TMEM26: variants seen among roughly 807,000 people sequenced by gnomAD.
The protein encoded by TMEM26 is transmembrane protein 26.
Under a neutral mutation model 28.8 loss-of-function variants are expected in TMEM26, and 38 were observed. The observed-to-expected ratio is 1.32, with a 90% CI of 1.02 to 1.73. The LOEUF (loss-of-function observed/expected upper bound fraction) is 1.73. TMEM26 is among the 40% of genes most tolerant of loss of function. The pLI is 0.00. For missense variants in TMEM26, 518 were observed against 447.1 expected (o/e 1.16, Z -1.43); for synonymous variants, 227 against 182.9 (o/e 1.24, Z -1.95).
chr10:61,418,590 A>G (rs959311443), intron 4 of TMEM26, among the ~76,000 whole-genome samples: 1 of 152,144 alleles, frequency 6.6e-6, no homozygotes, highest in African/African-American at 2.4e-5. Context: ...CATATTGATC[A>G]GTTAAAGTGG....
In TMEM26 at chr10:61,410,355, T is replaced by A; in HGVS notation, c.1074A>T (p.Pro358=). Reference sequence around the variant, plus strand: ...TGTGGTGGGAGTCGTCGGAGGTGACTGGGGAGCCCCGCAAAGGAATAGCCA... The same window carrying A: ...TGTGGTGGGAGTCGTCGGAGGTGACAGGGGAGCCCCGCAAAGGAATAGCCA... The part of the protein sequence containing the change: ...EGLAIPLRGS[P]VTSDDSHHTP The change falls in exon 6 of 6, where the codon CCA becomes CCT. Residue 358 remains proline (P), a synonymous_variant. Transcript: ENST00000399298. The A allele has an allele frequency of 3.1e-6, 5 of 1,613,760 alleles. No individual in the cohort carries two copies. The highest frequency in any genetic ancestry group is 1.7e-4 in the Middle Eastern group (1 of 6,058).
intron 2 of TMEM26, among the ~76,000 whole-genome samples, chr10:61,431,659 CAAAT>C (rs1483914055): frequency 1.3e-5 from 2 of 151,832 alleles, no homozygotes; most frequent in East Asian, 1.9e-4. Context: ...TAAAACCAAA[CAAAT>C]AACCAGTGAC....
chr10:61,436,613 T>C (rs1384375611), intron 1 of TMEM26, among the ~76,000 whole-genome samples: 1 of 152,150 alleles, frequency 6.6e-6, no homozygotes, highest in African/African-American at 2.4e-5. Flanking sequence ...ACAGCAGGAG[T>C]AAATCTTGAA....
At chr10:61,417,070 TC>T (rs1839663712) in intron 4 of TMEM26, among the ~76,000 whole-genome samples, 1 of 152,022 alleles carries the variant, frequency 6.6e-6, no homozygotes. Flanking sequence ...GTAAAAATTC[TC>T]AGGAAGGTTA....
intron 4 of TMEM26, among the ~76,000 whole-genome samples, chr10:61,418,538 A>G (rs555714904): frequency 6.6e-6 from 1 of 152,190 alleles, no homozygotes; most frequent in South Asian, 2.1e-4. Flanking sequence ...AAAAACAAAA[A>G]AACCCTGTCT....
intron 5 of TMEM26, among the ~76,000 whole-genome samples, chr10:61,411,962 C>T (rs1839575429): frequency 6.6e-6 from 1 of 152,168 alleles, no homozygotes; most frequent in Non-Finnish European, 1.5e-5. Flanking sequence ...AACATTATCA[C>T]CCCTGAAAGT....
intron 5 of TMEM26, 48 bp from the exon 6 acceptor site, chr10:61,410,794 C>T (rs1312445504): frequency 1.9e-6 from 3 of 1,572,394 alleles, no homozygotes; most frequent in Non-Finnish European, 2.6e-6. Context: ...GAAGTGTAGA[C>T]ATATAAGACA....
Position 61,408,315 on chromosome 10 carries a change from CTTTAA to C in TMEM26, c.*2002_*2006del, listed in dbSNP as rs1207017059. The C allele has an allele frequency of 6.6e-6, 1 of 152,168 alleles. No homozygotes were observed. Among genetic ancestry groups the C allele is most frequent in the Admixed American group, 6.6e-5 (1 of 15,258 alleles). 9.4% of individuals were successfully genotyped at this position (152,168 alleles called of 1,614,324 possible). A position where few individuals can be genotyped will look rare whatever the true frequency, so the allele number is the denominator to read the frequency against. The stretch of plus-strand genomic sequence containing the variant: ...CCACGAGGAGTCTAATTACAAAATA[CTTTAA>C]TTTAAACACTAGAAACTCATTCACG... On this transcript the variant is annotated 3_prime_UTR_variant, in exon 6 of 6. Coordinates refer to ENST00000399298, the MANE Select transcript of TMEM26 (RefSeq NM_178505.8).
chr10:61,453,173 C>T lies in TMEM26; in HGVS notation c.-92G>A. 1.5e-6 allele frequency: 2 copies of T among 1,353,292 alleles called. No individual in the cohort carries two copies. Among genetic ancestry groups the T allele is most frequent in the South Asian group, 1.3e-5 (1 of 77,498 alleles). 83.8% of individuals were successfully genotyped at this position (1,353,292 alleles called of 1,614,324 possible). A position where few individuals can be genotyped will look rare whatever the true frequency, so the allele number is the denominator to read the frequency against. On this transcript the variant is annotated 5_prime_UTR_variant, in exon 1 of 6. Transcript: ENST00000399298. ...AGCCCACCGGTGAGCAGGAATATGACAAGCACTGAGACCTGCTGCTGCTTG... is the reference window on the plus strand; with the variant it reads ...AGCCCACCGGTGAGCAGGAATATGATAAGCACTGAGACCTGCTGCTGCTTG...
chr10:61,428,878 TG>T, intron 4 of TMEM26, 47 bp downstream of exon 4: 1 of 1,517,862 alleles, frequency 6.6e-7, no homozygotes, highest in Non-Finnish European at 9.1e-7. Flanking sequence ...GACAGGTGCA[TG>T]GTCTTGACCC....
rs1839509076 is a variant in TMEM26, at chr10:61,407,328, A to G, written c.*2994T>C. The G allele has an allele frequency of 6.6e-6, 1 of 152,158 alleles. No homozygotes were observed. The highest frequency in any genetic ancestry group is 1.5e-5 in the Non-Finnish European group (1 of 68,022). 9.4% of individuals were successfully genotyped at this position (152,158 alleles called of 1,614,324 possible). On this transcript the variant is annotated 3_prime_UTR_variant, in exon 6 of 6. Coordinates refer to ENST00000399298, the MANE Select transcript of TMEM26 (RefSeq NM_178505.8). ...TCCTTGGCCATATCTATATGGTTCT[A>G]TAAGGTCTGAAGTGCTATTTGTTAG... is the stretch of plus-strand genomic sequence containing the variant.
At chr10:61,417,152 G>A (rs1055687559) in intron 4 of TMEM26, among the ~76,000 whole-genome samples, 7 of 151,948 alleles carry the variant, frequency 4.6e-5, no homozygotes, top group Non-Finnish European at 8.8e-5. Context: ...ATTTTGGGTG[G>A]ATTTATTCAC....
intron 4 of TMEM26, among the ~76,000 whole-genome samples, chr10:61,416,866 C>G (rs1414817743): frequency 6.6e-6 from 1 of 151,948 alleles, no homozygotes; most frequent in African/African-American, 2.4e-5. Flanking sequence ...CTAACCCTAG[C>G]CCTACATAAA....
chr10:61,411,709 G>A (rs140094812), intron 5 of TMEM26, among the ~76,000 whole-genome samples: 18 of 152,272 alleles, frequency 1.2e-4, no homozygotes, highest in African/African-American at 4.3e-4. Context: ...ATCAACAGAA[G>A]AACCTTTGTC....
chr10:61,436,373 A>G (rs900193877), intron 1 of TMEM26, 125 bp from the exon 2 acceptor site: 8 of 547,698 alleles, frequency 1.5e-5, no homozygotes, highest in Middle Eastern at 4.9e-4. Flanking sequence ...ACCTTTTCGT[A>G]TAACTTCAAA....
intron 2 of TMEM26, 123 bp from the exon 3 acceptor site, chr10:61,431,455 A>G (rs1162085122): frequency 8.1e-6 from 5 of 614,172 alleles, no homozygotes; most frequent in Middle Eastern, 2.6e-4. Flanking sequence ...CAGCATATAT[A>G]TAAACATTTC....
At chr10:61,428,208 A>G (rs954684116) in intron 4 of TMEM26, among the ~76,000 whole-genome samples, 2 of 152,116 alleles carry the variant, frequency 1.3e-5, no homozygotes, top group South Asian at 4.1e-4. Flanking sequence ...AAAACAACCC[A>G]AGCTTAAAGT....
intron 4 of TMEM26, among the ~76,000 whole-genome samples, chr10:61,427,695 C>T (rs1454665277): frequency 7.2e-5 from 11 of 152,050 alleles, no homozygotes. Context: ...TTCTACTATC[C>T]TATGTTCCCT....
At chr10:61,428,346 A>T (rs907372664) in intron 4 of TMEM26, among the ~76,000 whole-genome samples, 1 of 152,130 alleles carries the variant, frequency 6.6e-6, no homozygotes, top group Non-Finnish European at 1.5e-5. Flanking sequence ...GTTTTAATTT[A>T]TAGGCCTCTA....
Sources: allele counts gnomAD v4.1 joint callset (sites outside exome capture counted in the v4.1 genomes callset), GRCh38; gene constraint gnomAD v4.1.1; transcripts MANE v1.5; gene names NCBI Gene and HGNC (gene_info 2026-07-23, HGNC 2026-07-21).